Variants in CACNA1H observed in about 807,000 individuals in gnomAD.
CACNA1H encodes calcium voltage-gated channel subunit alpha1 H.
A neutral mutation model predicts 192.5 loss-of-function variants in CACNA1H; 149 were observed. That is an observed-to-expected ratio of 0.77 (90% CI 0.68 to 0.89). The LOEUF (loss-of-function observed/expected upper bound fraction) is 0.89, where lower values mean the gene tolerates loss of function less well. CACNA1H is among the 40% of genes least tolerant of loss of function. CACNA1H has a pLI of 0.00. For missense variants in CACNA1H, 4,257 were observed against 3,423.5 expected (o/e 1.24, Z -6.08); for synonymous variants, 2,202 against 1,475.2 (o/e 1.49, Z -11.29).
intron 2 of CACNA1H, among the ~76,000 whole-genome samples, chr16:1,190,934 A>G (rs1046285851): frequency 7.0e-6 from 1 of 142,866 alleles, no homozygotes; most frequent in African/African-American, 2.7e-5. Context: ...GGTTTCGCTG[A>G]CCCAGCATGC....
chr16:1,195,890 C>T, intron 4 of CACNA1H, 36 bp from the exon 5 acceptor site: 3 of 1,538,448 alleles, frequency 2.0e-6, no homozygotes, highest in South Asian at 1.1e-5. Flanking sequence ...CACCTGGGCT[C>T]CTTGTTGAGC....
At chr16:1,157,343 G>C (rs1309787358) in intron 2 of CACNA1H, among the ~76,000 whole-genome samples, 1 of 152,222 alleles carries the variant, frequency 6.6e-6, no homozygotes, top group Non-Finnish European at 1.5e-5. Context: ...AGATGGGGAA[G>C]GATATATCAA....
At position 1,195,534 on chromosome 16, in the gene CACNA1H, A is replaced by T; in HGVS notation, c.514A>T (p.Asn172Tyr). Residue 172 changes from asparagine to tyrosine, a missense_variant, in exon 4 of 35, where the codon AAC (asparagine) becomes TAC (tyrosine). Transcript: ENST00000348261. ...GQKCYLGDTW[N>Y]RLDFFIVVAG... is the part of the protein sequence containing the mutation. ...GAAGTGTTACCTGGGTGACACGTGG[A>T]ACAGGCTGGATTTCTTCATCGTCGT... The T allele has an allele frequency of 6.2e-7, 1 of 1,606,018 alleles. No individual in the cohort carries two copies. Among genetic ancestry groups the T allele is most frequent in the Non-Finnish European group, 8.5e-7 (1 of 1,176,654 alleles).
rs60003451 is a variant in CACNA1H, at chr16:1,210,566, C to T, written c.3970-17C>T. On this transcript the variant is annotated splice_polypyrimidine_tract_variant and intron_variant, in intron 19 of 34. Coordinates refer to ENST00000348261, the MANE Select transcript of CACNA1H (RefSeq NM_021098.3). ...GGGGTGGAGTGGACACAGCCCCCCA[C>T]CGTCCTCTCCCGGCAGGAGCGGGTC... 1 of 1,609,842 alleles carries T rather than the reference C, an allele frequency of 6.2e-7. No homozygotes were observed. Among genetic ancestry groups the T allele is most frequent in the Non-Finnish European group, 8.5e-7 (1 of 1,179,770 alleles).
Position 1,201,928 on chromosome 16 carries a change from G to C in CACNA1H, c.1478G>C (p.Ser493Thr). The C allele has an allele frequency of 1.3e-6, 2 of 1,549,912 alleles. No homozygotes were observed. Among genetic ancestry groups the C allele is most frequent in the Non-Finnish European group, 1.7e-6 (2 of 1,146,840 alleles). ...CGCTGGCGCAAGAAGGTGGACCCCA[G>C]TGCTGTGCAAGGCCAGGGTCCCGGG... ...QSRWRKKVDP[S>T]AVQGQGPGHR... The change falls in exon 9 of 35, where the codon AGT (serine) becomes ACT (threonine). Residue 493 changes from serine to threonine, a missense_variant. Transcript: ENST00000348261.
chr16:1,214,000 G>A (rs1015154697), intron 27 of CACNA1H, 69 bp downstream of exon 27: 40 of 1,374,500 alleles, frequency 2.9e-5, no homozygotes, highest in Non-Finnish European at 3.8e-5. Flanking sequence ...AACACAGTGG[G>A]CACAACCCTG....
chr16:1,209,910 G>A (rs1224073374), intron 17 of CACNA1H, 125 bp from the exon 18 acceptor site: 7 of 709,928 alleles, frequency 9.9e-6, no homozygotes, highest in East Asian at 5.4e-5. Context: ...GCCAGCGGGT[G>A]AGGAGTGAGG....
At chr16:1,169,438 T>G (rs1202158694) in intron 2 of CACNA1H, among the ~76,000 whole-genome samples, 1 of 152,062 alleles carries the variant, frequency 6.6e-6, no homozygotes, top group Non-Finnish European at 1.5e-5. Flanking sequence ...TTCGCCTTGG[T>G]CCTCGCCAGC....
intron 34 of CACNA1H, among the ~76,000 whole-genome samples, chr16:1,219,695 G>A (rs1188202977): frequency 6.6e-6 from 1 of 152,216 alleles, no homozygotes; most frequent in East Asian, 1.9e-4. Context: ...TGATGTCCAG[G>A]GGTGGGGAGG....
chr16:1,166,148 C>T (rs1596307183), intron 2 of CACNA1H, among the ~76,000 whole-genome samples: 1 of 152,204 alleles, frequency 6.6e-6, no homozygotes. Flanking sequence ...GGGGAAGGGG[C>T]AGGCAGGCCT....
rs544718790 is a variant in CACNA1H, at chr16:1,196,145, G to A, written c.643+122G>A. 29 of 765,626 alleles carry A rather than the reference G, an allele frequency of 3.8e-5. 1 individual carries two copies. The highest frequency in any genetic ancestry group is 6.3e-5 in the South Asian group (4 of 63,146). The allele number at this position is 765,626 out of a possible 1,614,324, so 47.4% of individuals were successfully genotyped here. ...GGAAATGAAGGTTACCAGGCACTCC[G>A]GCCCCAGCCCAGACCCCAGCAGTGG... is the stretch of plus-strand genomic sequence containing the variant. On this transcript the variant is annotated intron_variant, in intron 5 of 34. Transcript: ENST00000348261.
chr16:1,171,815 C>T (rs1054244130), intron 2 of CACNA1H, among the ~76,000 whole-genome samples: 9 of 152,236 alleles, frequency 5.9e-5, no homozygotes, highest in Non-Finnish European at 1.2e-4. Flanking sequence ...AACTCGGCTC[C>T]GTCTCCGAGC....
At chr16:1,206,913 T>TCCCCCCCCCCCC in intron 12 of CACNA1H, 88 bp from the exon 13 acceptor site, 1 of 70,704 alleles carries the variant, frequency 1.4e-5, no homozygotes, top group Non-Finnish European at 2.7e-5. Context: ...TGCCCCTCCC[T>TCCCCCCCCCCCC]CCTCCCACCC....
Position 1,206,773 on chromosome 16 carries a change from G to A in CACNA1H, c.2790-228G>A, listed in dbSNP as rs1334038693. 4 of 528,880 alleles carry A rather than the reference G, an allele frequency of 7.6e-6. No individual in the cohort carries two copies. The Admixed American group carries it at 1.3e-4, about 17-fold the overall frequency. 32.8% of individuals were successfully genotyped at this position (528,880 alleles called of 1,614,324 possible). On this transcript the variant is annotated intron_variant, in intron 12 of 34. Coordinates refer to ENST00000348261, the MANE Select transcript of CACNA1H (RefSeq NM_021098.3). ...GCTTCCCTCTGTCTGTCCCGCCTCT[G>A]GTCTTGGTTCTCTCGCCTGTGGAAT... is the stretch of plus-strand genomic sequence containing the variant.
At chr16:1,203,819 C>T (rs1968306513) in intron 9 of CACNA1H, among the ~76,000 whole-genome samples, 191 bp from the exon 10 acceptor site, 2 of 152,216 alleles carry the variant, frequency 1.3e-5, no homozygotes, top group South Asian at 2.1e-4. Flanking sequence ...CTTCATTCCT[C>T]ATTGTAACCC....
In CACNA1H at chr16:1,180,056, A is replaced by G. The variant is rs1052615121; in HGVS notation, c.300-14916A>G. ...GGCCCGGCCTTGTTTTTTAATATACATCTGGTTGCCGGGTGATACTGAGGG... is the reference window on the plus strand; with the variant it reads ...GGCCCGGCCTTGTTTTTTAATATACGTCTGGTTGCCGGGTGATACTGAGGG... On this transcript the variant is annotated intron_variant, in intron 2 of 34. Transcript: ENST00000348261. This position sits in a 1 kb window ranked among gnomAD's most constrained non-coding sequence, Gnocchi z 4.4. 1.3e-5 allele frequency among the ~76,000 whole-genome samples: 2 copies of G among 152,136 alleles called. No homozygotes were observed. The highest frequency in any genetic ancestry group is 2.9e-5 in the Non-Finnish European group (2 of 68,022).
chr16:1,203,881 A>C, intron 9 of CACNA1H, 129 bp from the exon 10 acceptor site: 1 of 645,344 alleles, frequency 1.5e-6, no homozygotes, highest in Non-Finnish European at 2.6e-6. Context: ...CAGGTTCTGG[A>C]GGTTGGACTC....
rs1596473364 is a variant in CACNA1H, at chr16:1,216,973, C to T, written c.5286C>T (p.Ile1762=). 6.2e-7 allele frequency: 1 copy of T among 1,602,634 alleles called. No homozygotes were observed. Among genetic ancestry groups the T allele is most frequent in the South Asian group, 1.1e-5 (1 of 88,822 alleles). The part of the protein sequence containing the change: ...LGLLFMLLFF[I]YAALGVELFG... ...TTCTTTTCATGCTCCTGTTTTTTAT[C>T]TATGCTGCGCTGGGAGTGGAGCTGT... The change falls in exon 31 of 35, where the codon ATC becomes ATT. Residue 1762 remains isoleucine, a synonymous_variant. Transcript: ENST00000348261.
intron 33 of CACNA1H, 101 bp from the exon 34 acceptor site, chr16:1,218,869 A>G: frequency 9.6e-7 from 1 of 1,044,886 alleles, no homozygotes. Flanking sequence ...GGGGCTGGCC[A>G]GGAAGGAGGA....
Sources: allele counts gnomAD v4.1 joint callset (sites outside exome capture counted in the v4.1 genomes callset), GRCh38; gene constraint gnomAD v4.1.1; non-coding constraint Gnocchi (gnomAD v3.1); transcripts MANE v1.5; gene names NCBI Gene and HGNC (gene_info 2026-07-23, HGNC 2026-07-21).